COL4A6: variants seen among roughly 807,000 people sequenced by gnomAD.
COL4A6 encodes the protein collagen type IV alpha 6 chain.
In COL4A6, 59 loss-of-function variants were observed where a neutral mutation model predicts 126.7. The observed-to-expected ratio is 0.47, with a 90% confidence interval of 0.38 to 0.58. COL4A6 has a LOEUF of 0.58. Ranked by LOEUF, COL4A6 falls within the 20% of genes least tolerant of loss-of-function variation. The pLI, the probability that COL4A6 is intolerant of heterozygous loss-of-function variation, is 0.00. For synonymous variants in COL4A6, 547 were observed against 496.6 expected, an observed-to-expected ratio of 1.10 and a Z score of -1.35; for missense variants, 1,285 against 1,337.3, an observed-to-expected ratio of 0.96 and a Z score of 0.61.
chrX:108,212,242 A>C (rs1298556092), intron 6 of COL4A6, among the ~76,000 whole-genome samples: 1 of 110,091 alleles, frequency 9.1e-6, no homozygotes, highest in Non-Finnish European at 1.9e-5. Context: ...AAAAAAAAAA[A>C]AAACAGGCCA....
rs137974299 is a variant in COL4A6, at chrX:108,158,798, G to A, written c.4812+664C>T. 1.5e-3 allele frequency among the ~76,000 whole-genome samples: 168 copies of A among 111,990 alleles called. 2 individuals carry two copies. Among genetic ancestry groups the A allele is most frequent in the East Asian group, 0.012 (41 of 3,562 alleles). ...GGGTGCCACAGTGGTTTTCTCTGGG[G>A]GATGTCCTGACCCTAAACCTGACCT... On this transcript the variant is annotated intron_variant, in intron 44 of 44. Coordinates refer to ENST00000334504, the MANE Select transcript of COL4A6 (RefSeq NM_033641.4).
At chrX:108,438,432 C>A, upstream of COL4A6, 1 of 1,005,948 alleles carries the variant, frequency 9.9e-7, no homozygotes. Flanking sequence ...TAGTTCCATG[C>A]AGCAGGAGAG....
intron 44 of COL4A6, among the ~76,000 whole-genome samples, chrX:108,158,518 A>G (rs748865696): frequency 8.9e-6 from 1 of 112,387 alleles, no homozygotes; most frequent in Non-Finnish European, 1.9e-5. Flanking sequence ...TTTCCTGTGG[A>G]AGCTCAGGGG....
chrX:108,240,270 C>T (rs193158654), intron 3 of COL4A6, among the ~76,000 whole-genome samples: 186 of 110,867 alleles, frequency 1.7e-3, no homozygotes, highest in African/African-American at 6.0e-3. Context: ...ACAACAACAA[C>T]AACAAAAAAG....
chrX:108,268,441 A>G (rs1448886177), intron 3 of COL4A6: 1 of 112,675 alleles, frequency 8.9e-6, no homozygotes, highest in Non-Finnish European at 1.9e-5. Flanking sequence ...CCCATTTTGT[A>G]TATGAGACAG....
chrX:108,399,667 A>T (rs930149779), intron 2 of COL4A6, among the ~76,000 whole-genome samples: 1 of 111,652 alleles, frequency 9.0e-6, no homozygotes, highest in African/African-American at 3.3e-5. Flanking sequence ...AAAGCAGCAG[A>T]TTTTAATCAC....
At chrX:108,417,940 T>C (rs2041464965) in intron 2 of COL4A6, among the ~76,000 whole-genome samples, 1 of 112,100 alleles carries the variant, frequency 8.9e-6, no homozygotes, top group Non-Finnish European at 1.9e-5. Context: ...TGGTGATGCA[T>C]TGCCATTTTA....
At chrX:108,263,230 C>A (rs1569390902) in intron 3 of COL4A6, among the ~76,000 whole-genome samples, 1 of 111,671 alleles carries the variant, frequency 9.0e-6, no homozygotes, top group Non-Finnish European at 1.9e-5. Flanking sequence ...GATTCCTGTG[C>A]TCCACTTCTT....
chrX:108,435,163 T>C (rs2064243325), intron 2 of COL4A6, among the ~76,000 whole-genome samples: 2 of 111,580 alleles, frequency 1.8e-5, no homozygotes, highest in Non-Finnish European at 1.9e-5. Flanking sequence ...TTTTCTCTCC[T>C]TACCCTCCTC....
intron 3 of COL4A6, among the ~76,000 whole-genome samples, chrX:108,304,116 CACTT>C (rs1160071789): frequency 8.9e-6 from 1 of 111,763 alleles, no homozygotes; most frequent in African/African-American, 3.3e-5. Context: ...TCACGCATGA[CACTT>C]AGGTCTCTGG....
intron 2 of COL4A6, among the ~76,000 whole-genome samples, chrX:108,404,866 C>A (rs1035602521): frequency 3.6e-5 from 4 of 112,033 alleles, no homozygotes; most frequent in Admixed American, 9.5e-5. Flanking sequence ...CCTTTCTTTT[C>A]ACCAAAAGTA....
intron 2 of COL4A6, among the ~76,000 whole-genome samples, chrX:108,437,704 C>T (rs2064293032): frequency 9.0e-6 from 1 of 111,443 alleles, no homozygotes; most frequent in Non-Finnish European, 1.9e-5. Context: ...CTTGTGTCTT[C>T]CACTTTTATT....
At chrX:108,404,999 A>G (rs1016179133) in intron 2 of COL4A6, among the ~76,000 whole-genome samples, 2 of 110,830 alleles carry the variant, frequency 1.8e-5, no homozygotes, top group East Asian at 5.7e-4. Context: ...CCCACACAAA[A>G]CAAACATACA....
intron 5 of COL4A6, among the ~76,000 whole-genome samples, chrX:108,218,378 G>A (rs1056867250): frequency 2.7e-5 from 3 of 112,485 alleles, no homozygotes; most frequent in African/African-American, 9.7e-5. Flanking sequence ...ATCACAAAAG[G>A]ATGGCCAACC....
intron 2 of COL4A6, among the ~76,000 whole-genome samples, chrX:108,334,282 T>A (rs1384280153): frequency 1.8e-5 from 2 of 111,650 alleles, no homozygotes; most frequent in African/African-American, 3.2e-5. Flanking sequence ...CCCATCACAG[T>A]GGTTATAAAC....
chrX:108,332,357 G>A (rs1343575103), intron 2 of COL4A6, among the ~76,000 whole-genome samples: 2 of 111,786 alleles, frequency 1.8e-5, no homozygotes, highest in Non-Finnish European at 3.8e-5. Context: ...CCTTTTGGTA[G>A]ATACCCAGTA....
intron 3 of COL4A6, among the ~76,000 whole-genome samples, chrX:108,241,216 ACTTACT>A (rs1277882462): frequency 4.5e-5 from 5 of 110,983 alleles, no homozygotes; most frequent in African/African-American, 1.6e-4. Context: ...TAATACCTAC[ACTTACT>A]CTAACTCAGG....
intron 3 of COL4A6, among the ~76,000 whole-genome samples, chrX:108,298,378 T>C (rs971013057): frequency 1.8e-5 from 2 of 112,591 alleles, no homozygotes; most frequent in African/African-American, 6.4e-5. Flanking sequence ...CAGGGCATTG[T>C]CCAGGGCTAC....
At chrX:108,214,076 C>A (rs748275582) in intron 6 of COL4A6, 36 bp downstream of exon 6, 24 of 1,109,957 alleles carry the variant, frequency 2.2e-5, no homozygotes, top group Non-Finnish European at 1.5e-5. Context: ...ACAAGCAAAG[C>A]CATTTGAAAT....
Sources: allele counts gnomAD v4.1 joint callset (sites outside exome capture counted in the v4.1 genomes callset), GRCh38; gene constraint gnomAD v4.1.1; transcripts MANE v1.5; gene names NCBI Gene and HGNC (gene_info 2026-07-23, HGNC 2026-07-21).